Variants in ABCA9 observed in about 807,000 individuals in gnomAD.
ABCA9 encodes ATP binding cassette subfamily A member 9.
ABCA9 carries 183 observed loss-of-function variants against 205.3 expected under a neutral mutation model. The observed-to-expected ratio is 0.89, with a 90% CI of 0.79 to 1.01. The LOEUF (loss-of-function observed/expected upper bound fraction) is 1.01. Ranked by LOEUF, ABCA9 falls within the 50% of genes least tolerant of loss-of-function variation. The probability of loss-of-function intolerance (pLI) is 0.00; values close to 1 mark genes in which losing one functional copy is unlikely to be tolerated. For synonymous variants in ABCA9, 651 were observed against 683.3 expected (o/e 0.95, Z 0.74); for missense variants, 1,805 against 1,912.4 (o/e 0.94, Z 1.05).
rs371602640 is a variant in ABCA9, at chr17:69,043,531, G to A, written c.758C>T (p.Thr253Met). 3.0e-5 allele frequency: 48 copies of A among 1,608,706 alleles called. No homozygotes were observed. The highest frequency in any genetic ancestry group is 1.8e-4 in the South Asian group (16 of 90,162). ...VNVTQERQYI[T>M]SLMTMMGLRE... ...GAGTCCCATCATTGTCATCAATGAC[G>A]TAATGTATTGTCTTTCTTGTGTAAC... Residue 253 changes from threonine to methionine, a missense_variant, in exon 6 of 39, where the codon ACG (threonine) becomes ATG (methionine). Physicochemically the swap from Thr to Met is moderately conservative, Grantham distance 81. Transcript: ENST00000340001.
intron 25 of ABCA9, among the ~76,000 whole-genome samples, chr17:69,003,306 A>T (rs2069962456): frequency 6.6e-6 from 1 of 151,744 alleles, no homozygotes; most frequent in Non-Finnish European, 1.5e-5. Flanking sequence ...CTTTTAGGGC[A>T]GGCCTGGTGG....
rs745956567 is a variant in ABCA9 at position 69,049,405 on chromosome 17, G to T, written c.182C>A (p.Ser61Tyr). The change falls in exon 3 of 39, where the codon TCT becomes TAT. Residue 61 changes from serine to tyrosine, a missense_variant. Ser to Tyr is a moderately radical substitution (Grantham distance 144). Coordinates refer to ENST00000340001, the MANE Select transcript of ABCA9 (RefSeq NM_080283.4). The stretch of plus-strand genomic sequence containing the variant: ...ATCTACACGTCCCAGATCCATTGAA[G>T]ACATTTGAGGAGTGTCATGAACTTG... The part of the protein sequence containing the change: ...LHQVHDTPQM[S>Y]SMDLGRVDSF... 1 of 1,612,918 alleles carries T rather than the reference G, an allele frequency of 6.2e-7. No individual in the cohort carries two copies. Among genetic ancestry groups the T allele is most frequent in the Admixed American group, 1.7e-5 (1 of 59,906 alleles).
At chr17:69,001,575 T>G (rs1267528601) in intron 25 of ABCA9, among the ~76,000 whole-genome samples, 2 of 151,736 alleles carry the variant, frequency 1.3e-5, no homozygotes, top group African/African-American at 4.8e-5. Flanking sequence ...GGTCTAAAAT[T>G]CTCTTTTTTG....
At chr17:69,025,466 C>T (rs958675223) in intron 16 of ABCA9, among the ~76,000 whole-genome samples, 2 of 152,012 alleles carry the variant, frequency 1.3e-5, no homozygotes, top group African/African-American at 4.8e-5. Flanking sequence ...CTCTCTCAAG[C>T]AGAAACAAGA....
At chr17:69,078,883 T>C in the ABCA9 span, 1 of 733,728 alleles carries the variant, frequency 1.4e-6, no homozygotes, top group Non-Finnish European at 2.1e-6. Flanking sequence ...ATGTTAATTT[T>C]AAATGATCTT....
At chr17:69,029,872 CAAAG>C (rs2071104471) in intron 10 of ABCA9, among the ~76,000 whole-genome samples, 1 of 152,038 alleles carries the variant, frequency 6.6e-6, no homozygotes, top group Non-Finnish European at 1.5e-5. Context: ...TGATTTAAAA[CAAAG>C]AAAGATTCTT....
the ABCA9 span, among the ~76,000 whole-genome samples, chr17:69,066,992 T>A: frequency 6.6e-6 from 1 of 152,174 alleles, no homozygotes; most frequent in Non-Finnish European, 1.5e-5. Flanking sequence ...AAGGCATCGA[T>A]AGCTATTGAA....
intron 22 of ABCA9, among the ~76,000 whole-genome samples, chr17:69,013,930 T>C (rs576037976): frequency 7.2e-4 from 109 of 152,216 alleles, no homozygotes; most frequent in African/African-American, 2.5e-3. Context: ...AAGAGATAAT[T>C]TGTCTACCTA....
At chr17:69,033,453 C>A in intron 9 of ABCA9, 1 of 224,702 alleles carries the variant, frequency 4.5e-6, no homozygotes, top group Non-Finnish European at 8.6e-6. Context: ...TATCAAGCAC[C>A]AGCATTCTTC....
At chr17:69,018,386 A>G (rs1266130887) in intron 20 of ABCA9, 27 bp downstream of exon 20, 1 of 1,495,614 alleles carries the variant, frequency 6.7e-7, no homozygotes, top group African/African-American at 1.4e-5. Flanking sequence ...ACAACATTTA[A>G]CAGCTGCATT....
At chr17:68,985,711 G>T (rs2069209716) in intron 32 of ABCA9, among the ~76,000 whole-genome samples, 1 of 152,174 alleles carries the variant, frequency 6.6e-6, no homozygotes, top group Non-Finnish European at 1.5e-5. Context: ...TGTAATCCCA[G>T]CATTTTGGGA....
At chr17:69,052,077 G>T (rs1033777713) in intron 1 of ABCA9, among the ~76,000 whole-genome samples, 5 of 152,142 alleles carry the variant, frequency 3.3e-5, no homozygotes, top group African/African-American at 1.2e-4. Context: ...CAGCTACCAA[G>T]AAAAAATTAC....
At position 68,984,955 on chromosome 17, in the gene ABCA9, C is replaced by G; in HGVS notation, c.4309G>C (p.Gly1437Arg). The G allele has an allele frequency of 6.2e-7, 1 of 1,614,162 alleles. No homozygotes were observed. Among genetic ancestry groups the G allele is most frequent in the Non-Finnish European group, 8.5e-7 (1 of 1,180,026 alleles). The change falls in exon 34 of 39, where the codon GGG (glycine) becomes CGG (arginine). Residue 1437 changes from glycine to arginine, a missense_variant. Gly to Arg is a moderately radical substitution (Grantham distance 125). Transcript: ENST00000340001. ...RKLCFVLSIL[G>R]NPSVVLLDEP... ...TCCAGAAGCACCACTGACGGGTTCCCCAGGATGCTCAGCACAAAGCACAGC... is the reference window on the plus strand; with the variant it reads ...TCCAGAAGCACCACTGACGGGTTCCGCAGGATGCTCAGCACAAAGCACAGC...
At chr17:69,065,187 A>G (rs548569592), upstream of ABCA9, among the ~76,000 whole-genome samples, 13 of 152,298 alleles carry the variant, frequency 8.5e-5, no homozygotes, top group South Asian at 2.7e-3. Context: ...TTCACTTGCA[A>G]TCAAAGAACT....
chr17:68,983,943 G>A, intron 35 of ABCA9, 94 bp from the exon 36 acceptor site: 8 of 1,602,008 alleles, frequency 5.0e-6, no homozygotes, highest in Non-Finnish European at 6.0e-6. Context: ...AGGCCACATA[G>A]AGTTGGAAGC....
intron 9 of ABCA9, chr17:69,032,547 G>A (rs2144370098): frequency 3.6e-6 from 1 of 275,460 alleles, no homozygotes; most frequent in Middle Eastern, 1.1e-3. Context: ...GTCTCAGGAG[G>A]AATTTAAATC....
intron 18 of ABCA9, 61 bp from the exon 19 acceptor site, chr17:69,020,647 C>T: frequency 1.3e-6 from 2 of 1,504,104 alleles, no homozygotes; most frequent in Non-Finnish European, 9.1e-7. Context: ...TTTAGCTTTT[C>T]CTATGATAAA....
chr17:69,039,422 C>T (rs903149447), intron 6 of ABCA9, among the ~76,000 whole-genome samples: 1 of 152,094 alleles, frequency 6.6e-6, no homozygotes, highest in Non-Finnish European at 1.5e-5. Context: ...GCCATCTGAT[C>T]TTTGACAAAC....
chr17:68,984,275 C>T (rs938679865), intron 34 of ABCA9, 100 bp from the exon 35 acceptor site: 14 of 1,513,196 alleles, frequency 9.3e-6, no homozygotes, highest in African/African-American at 2.8e-5. Flanking sequence ...AAACATGCAG[C>T]GAATTCAGAC....
Sources: gnomAD v4.1 joint callset for allele counts (sites outside exome capture counted in the v4.1 genomes callset) on GRCh38, gnomAD v4.1.1 for gene constraint, MANE v1.5 for transcripts, NCBI Gene and HGNC (gene_info 2026-07-23, HGNC 2026-07-21) for gene names.